The following CLEC11A variants were observed in gnomAD, a reference collection of about 807,000 sequenced individuals.
CLEC11A encodes the protein C-type lectin domain containing 11A, also known as C-type lectin domain family 11 member A.
In CLEC11A, 35 loss-of-function variants were observed where a neutral mutation model predicts 33.9. The observed-to-expected ratio is 1.03, with a 90% CI of 0.79 to 1.37. The LOEUF is 1.37. CLEC11A is among the 40% of genes most tolerant of loss of function. The probability of loss-of-function intolerance (pLI) is 0.00; values close to 1 mark genes in which losing one functional copy is unlikely to be tolerated. For synonymous variants in CLEC11A, 220 were observed against 202.2 expected (o/e 1.09, Z -0.75); for missense variants, 519 against 455.5 (o/e 1.14, Z -1.27).
chr19:50,725,688 A>G lies in CLEC11A; in HGVS notation c.*221A>G, dbSNP rs2089182187. ...GGGCACCAGGCTAGGTCCGGTGCCAATAAATCCTTGTGGAATCTGACTTGA... is the reference window on the plus strand; with the variant it reads ...GGGCACCAGGCTAGGTCCGGTGCCAGTAAATCCTTGTGGAATCTGACTTGA... On this transcript the variant is annotated 3_prime_UTR_variant, in exon 4 of 4. Coordinates refer to ENST00000250340, the MANE Select transcript of CLEC11A (RefSeq NM_002975.3). The G allele has an allele frequency of 5.0e-6, 4 of 792,520 alleles. No individual in the cohort carries two copies. Among genetic ancestry groups the G allele is most frequent in the Non-Finnish European group, 7.6e-6 (4 of 523,556 alleles). The allele number at this position is 792,520 out of a possible 1,614,324, so 49.1% of individuals were successfully genotyped here.
At position 50,725,114 on chromosome 19, in the gene CLEC11A, C is replaced by A. The variant is rs1212977751; in HGVS notation, c.619C>A (p.Arg207=). ...QAAAQARCTA[R]GGSLAQPADR... ...GGCGGCGCAGGCGCGGTGCACGGCGCGGGGCGGGAGCCTGGCGCAGCCGGC... is the reference window on the plus strand; with the variant it reads ...GGCGGCGCAGGCGCGGTGCACGGCGAGGGGCGGGAGCCTGGCGCAGCCGGC... Residue 207 remains arginine, a synonymous_variant, in exon 4 of 4, where the codon CGG becomes AGG. Coordinates refer to ENST00000250340, the MANE Select transcript of CLEC11A (RefSeq NM_002975.3). 1 of 1,538,176 alleles carries A rather than the reference C, an allele frequency of 6.5e-7. No homozygotes were observed. Among genetic ancestry groups the A allele is most frequent in the Non-Finnish European group, 8.7e-7 (1 of 1,143,268 alleles).
rs1201577877 is a variant in CLEC11A at position 50,725,629 on chromosome 19, ACTC to A, written c.*168_*170del. The A allele has an allele frequency of 1.2e-5, 15 of 1,275,628 alleles. No individual in the cohort carries two copies. The highest frequency in any genetic ancestry group is 1.6e-5 in the Non-Finnish European group (15 of 952,080). The allele number at this position is 1,275,628 out of a possible 1,614,324, so 79.0% of individuals were successfully genotyped here. On this transcript the variant is annotated 3_prime_UTR_variant, in exon 4 of 4. Coordinates refer to ENST00000250340, the MANE Select transcript of CLEC11A (RefSeq NM_002975.3). ...CTGGGAGGGCTCTTGCGGTGCCGGC[ACTC>A]CTCCTTGTTAGTGTCTTTCCTTGAA...
In CLEC11A at chr19:50,725,412, G is replaced by T. The variant is rs367711985; in HGVS notation, c.917G>T (p.Trp306Leu). 1 of 1,611,436 alleles carries T rather than the reference G, an allele frequency of 6.2e-7. No homozygotes were observed. The highest frequency in any genetic ancestry group is 1.1e-5 in the South Asian group (1 of 90,822). The change falls in exon 4 of 4, where the codon TGG becomes TTG. Residue 306 changes from tryptophan (W) to leucine (L), a missense_variant. Transcript: ENST00000250340. ...GCGCAGGCCTCTGACGACGGCTCCT[G>T]GTGGGACCACGACTGCCAGCGGCGT... Reference protein sequence around the residue: ...CVAQASDDGSWWDHDCQRRLY... With the variant: ...CVAQASDDGSLWDHDCQRRLY...
In CLEC11A at chr19:50,723,406, G is replaced by C. The variant is rs565917787; in HGVS notation, c.-120G>C. 5.1e-6 allele frequency: 5 copies of C among 985,048 alleles called. No individual in the cohort carries two copies. In the South Asian group the frequency reaches 7.3e-5, roughly 14 times the overall value. The allele number at this position is 985,048 out of a possible 1,614,324, so 61.0% of individuals were successfully genotyped here. A position where few individuals can be genotyped will look rare whatever the true frequency, so the allele number is the denominator to read the frequency against. ...CAGGAAGAGAGAAGCTGGGAGAATCGGGAACCTGGGGGCTAGTGACCTGCA... is the reference window on the plus strand; with the variant it reads ...CAGGAAGAGAGAAGCTGGGAGAATCCGGAACCTGGGGGCTAGTGACCTGCA... On this transcript the variant is annotated 5_prime_UTR_variant, in exon 1 of 4. Transcript: ENST00000250340. The surrounding 1 kb of genome is among the most constrained non-coding windows in gnomAD (Gnocchi z 4.1).
chr19:50,724,737 G>T lies in CLEC11A; in HGVS notation c.526+136G>T, dbSNP rs536734273. The T allele has an allele frequency of 1.7e-6, 2 of 1,198,314 alleles. No homozygotes were observed. Among genetic ancestry groups the T allele is most frequent in the African/African-American group, 3.2e-5 (2 of 61,638 alleles). 74.2% of individuals were successfully genotyped at this position (1,198,314 alleles called of 1,614,324 possible). On this transcript the variant is annotated intron_variant, in intron 3 of 3. Coordinates refer to ENST00000250340, the MANE Select transcript of CLEC11A (RefSeq NM_002975.3). This position sits in a 1 kb window ranked among gnomAD's most constrained non-coding sequence, Gnocchi z 4.1. Reference sequence around the variant, plus strand: ...CTGTGTGCTAGCGGACGGGGTTAGAGAGCTGGGAGGCTGAATGCAGGGAGC... The same window carrying T: ...CTGTGTGCTAGCGGACGGGGTTAGATAGCTGGGAGGCTGAATGCAGGGAGC...
chr19:50,724,696 G>A lies in CLEC11A; in HGVS notation c.526+95G>A, dbSNP rs1206614629. 5.5e-6 allele frequency: 7 copies of A among 1,263,890 alleles called. No individual in the cohort carries two copies. Among genetic ancestry groups the A allele is most frequent in the Non-Finnish European group, 7.2e-6 (7 of 968,464 alleles). 78.3% of individuals were successfully genotyped at this position (1,263,890 alleles called of 1,614,324 possible). A position where few individuals can be genotyped will look rare whatever the true frequency, so the allele number is the denominator to read the frequency against. On this transcript the variant is annotated intron_variant, in intron 3 of 3. Coordinates refer to ENST00000250340, the MANE Select transcript of CLEC11A (RefSeq NM_002975.3). The surrounding 1 kb of genome is among the most constrained non-coding windows in gnomAD (Gnocchi z 4.1). ...GTGACCCTAGGTGTCCGGGGCGGGA[G>A]AGTTCGGGAGAGCTGCTGTGTGCTA... is the stretch of plus-strand genomic sequence containing the variant.
Position 50,724,311 on chromosome 19 carries a change from C to A in CLEC11A, c.335-99C>A. On this transcript the variant is annotated intron_variant, in intron 2 of 3. Coordinates refer to ENST00000250340, the MANE Select transcript of CLEC11A (RefSeq NM_002975.3). This position sits in a 1 kb window ranked among gnomAD's most constrained non-coding sequence, Gnocchi z 4.1. ...GTCCGGGGTGCCCCCCCCACCGCCA[C>A]CCCGCCCTCAGGAGCCCTAGATCCC... 2 of 1,126,208 alleles carry A rather than the reference C, an allele frequency of 1.8e-6. No homozygotes were observed. Among genetic ancestry groups the A allele is most frequent in the South Asian group, 1.7e-5 (1 of 60,456 alleles). The allele number at this position is 1,126,208 out of a possible 1,614,324, so 69.8% of individuals were successfully genotyped here. A position where few individuals can be genotyped will look rare whatever the true frequency, so the allele number is the denominator to read the frequency against.
Position 50,724,434 on chromosome 19 carries a change from C to A in CLEC11A, c.359C>A (p.Ala120Glu). Reference protein sequence around the residue: ...YILGRLAGLDAGLHQLHVRLH... With the variant: ...YILGRLAGLDEGLHQLHVRLH... ...GTGGGCCGCCTGGCCGGCCTGGACG[C>A]AGGCCTGCACCAGCTGCACGTCCGT... The change falls in exon 3 of 4, where the codon GCA (alanine) becomes GAA (glutamate). Residue 120 changes from alanine to glutamate, a missense_variant. Ala to Glu is a moderately radical substitution (Grantham distance 107, BLOSUM62 -1). Coordinates refer to ENST00000250340, the MANE Select transcript of CLEC11A (RefSeq NM_002975.3). This position sits in a 1 kb window ranked among gnomAD's most constrained non-coding sequence, Gnocchi z 4.1. The A allele has an allele frequency of 6.5e-7, 1 of 1,532,444 alleles. No individual in the cohort carries two copies. The allele number at this position is 1,532,444 out of a possible 1,614,324, so 94.9% of individuals were successfully genotyped here.
Position 50,724,968 on chromosome 19 carries a change from TC to T in CLEC11A, c.527-52del. On this transcript the variant is annotated intron_variant, in intron 3 of 3. Coordinates refer to ENST00000250340, the MANE Select transcript of CLEC11A (RefSeq NM_002975.3). This position sits in a 1 kb window ranked among gnomAD's most constrained non-coding sequence, Gnocchi z 4.1. ...CCCGGATGTTTTGTCCTCGCCCCCTTCCAGACTCTGAATGCATGACCCCGCC... is the reference window on the plus strand; with the variant it reads ...CCCGGATGTTTTGTCCTCGCCCCCTTCAGACTCTGAATGCATGACCCCGCC... 1 of 1,425,404 alleles carries T rather than the reference TC, an allele frequency of 7.0e-7. No individual in the cohort carries two copies. The highest frequency in any genetic ancestry group is 1.5e-5 in the South Asian group (1 of 65,270). 88.3% of individuals were successfully genotyped at this position (1,425,404 alleles called of 1,614,324 possible).
In CLEC11A at chr19:50,725,672, G is replaced by T; in HGVS notation, c.*205G>T. 2.2e-6 allele frequency: 2 copies of T among 919,646 alleles called. No homozygotes were observed. The highest frequency in any genetic ancestry group is 3.2e-6 in the Non-Finnish European group (2 of 633,532). 57.0% of individuals were successfully genotyped at this position (919,646 alleles called of 1,614,324 possible). A position where few individuals can be genotyped will look rare whatever the true frequency, so the allele number is the denominator to read the frequency against. ...CTTTCCTTGAAGGGGCGGGCACCAG[G>T]CTAGGTCCGGTGCCAATAAATCCTT... is the stretch of plus-strand genomic sequence containing the variant. On this transcript the variant is annotated 3_prime_UTR_variant, in exon 4 of 4. Coordinates refer to ENST00000250340, the MANE Select transcript of CLEC11A (RefSeq NM_002975.3).
Position 50,724,286 on chromosome 19 carries a change from G to A in CLEC11A, c.335-124G>A. ...GGCCACTCGACCCTACCTTCCAGGAGTCCGGGGTGCCCCCCCCACCGCCAC... is the reference window on the plus strand; with the variant it reads ...GGCCACTCGACCCTACCTTCCAGGAATCCGGGGTGCCCCCCCCACCGCCAC... On this transcript the variant is annotated intron_variant, in intron 2 of 3. Transcript: ENST00000250340. This position sits in a 1 kb window ranked among gnomAD's most constrained non-coding sequence, Gnocchi z 4.1. 8.1e-7 allele frequency: 1 copy of A among 1,228,922 alleles called. No individual in the cohort carries two copies. 76.1% of individuals were successfully genotyped at this position (1,228,922 alleles called of 1,614,324 possible).
rs1455030916 is a variant in CLEC11A, at chr19:50,724,019, G to A, written c.262G>A (p.Glu88Lys). 1 of 1,612,780 alleles carries A rather than the reference G, an allele frequency of 6.2e-7. No individual in the cohort carries two copies. Among genetic ancestry groups the A allele is most frequent in the Non-Finnish European group, 8.5e-7 (1 of 1,179,104 alleles). The part of the protein sequence containing the change: ...MEEDQGEEEE[E>K]EATPTPSSGP... The stretch of plus-strand genomic sequence containing the variant: ...GGAGGACCAGGGGGAGGAAGAGGAG[G>A]AGGAAGCAACGCCAACCCCATCCTC... Residue 88 changes from glutamate (E) to lysine (K), a missense_variant, in exon 2 of 4, where the codon GAG becomes AAG. Glu to Lys is a moderately conservative substitution (Grantham distance 56). Coordinates refer to ENST00000250340, the MANE Select transcript of CLEC11A (RefSeq NM_002975.3). The surrounding 1 kb of genome is among the most constrained non-coding windows in gnomAD (Gnocchi z 4.1).
Position 50,724,202 on chromosome 19 carries a change from C to T in CLEC11A, c.334+111C>T. 1.3e-6 allele frequency: 2 copies of T among 1,530,992 alleles called. No individual in the cohort carries two copies. The highest frequency in any genetic ancestry group is 1.8e-6 in the Non-Finnish European group (2 of 1,128,420). The allele number at this position is 1,530,992 out of a possible 1,614,324, so 94.8% of individuals were successfully genotyped here. A position where few individuals can be genotyped will look rare whatever the true frequency, so the allele number is the denominator to read the frequency against. On this transcript the variant is annotated intron_variant, in intron 2 of 3. Coordinates refer to ENST00000250340, the MANE Select transcript of CLEC11A (RefSeq NM_002975.3). The surrounding 1 kb of genome is among the most constrained non-coding windows in gnomAD (Gnocchi z 4.1). Reference sequence around the variant, plus strand: ...GGCCTTTCAGTTGTCCATTGCCCAGCCCAGAGCCCCCACACCCCTAGGAGC... The same window carrying T: ...GGCCTTTCAGTTGTCCATTGCCCAGTCCAGAGCCCCCACACCCCTAGGAGC...
chr19:50,724,191 C>T lies in CLEC11A; in HGVS notation c.334+100C>T, dbSNP rs1395840132. 1.9e-5 allele frequency: 30 copies of T among 1,572,926 alleles called. No individual in the cohort carries two copies. Among genetic ancestry groups the T allele is most frequent in the Middle Eastern group, 1.8e-4 (1 of 5,692 alleles). On this transcript the variant is annotated intron_variant, in intron 2 of 3. Coordinates refer to ENST00000250340, the MANE Select transcript of CLEC11A (RefSeq NM_002975.3). The surrounding 1 kb of genome is among the most constrained non-coding windows in gnomAD (Gnocchi z 4.1). ...CACTGCCAAGTGGCCTTTCAGTTGT[C>T]CATTGCCCAGCCCAGAGCCCCCACA...
At position 50,723,567 on chromosome 19, in the gene CLEC11A, G is replaced by C; in HGVS notation, c.42G>C (p.Gln14His). The change falls in exon 1 of 4, where the codon CAG becomes CAC. Residue 14 changes from glutamine to histidine, a missense_variant. Transcript: ENST00000250340. This position sits in a 1 kb window ranked among gnomAD's most constrained non-coding sequence, Gnocchi z 4.1. ...TTTTGGGGGCTTTGGTGGTCCCCCA[G>C]CTCTTGGGCTTTGGCCATGGGGCTC... ...AWLLGALVVP[Q>H]LLGFGHGARG... 1 of 1,612,512 alleles carries C rather than the reference G, an allele frequency of 6.2e-7. No individual in the cohort carries two copies. The highest frequency in any genetic ancestry group is 8.5e-7 in the Non-Finnish European group (1 of 1,180,006).
chr19:50,724,552 C>T lies in CLEC11A; in HGVS notation c.477C>T (p.Ala159=), dbSNP rs1180701646. The change falls in exon 3 of 4, where the codon GCC becomes GCT. Residue 159 remains alanine, a synonymous_variant. Coordinates refer to ENST00000250340, the MANE Select transcript of CLEC11A (RefSeq NM_002975.3). The surrounding 1 kb of genome is among the most constrained non-coding windows in gnomAD (Gnocchi z 4.1). The part of the protein sequence containing the change: ...AAGDTRDAVQ[A]LQEAQGRAER... ...GCGACACCCGCGATGCCGTGCAAGCCCTGCAGGAGGCGCAGGGTCGCGCCG... is the reference window on the plus strand; with the variant it reads ...GCGACACCCGCGATGCCGTGCAAGCTCTGCAGGAGGCGCAGGGTCGCGCCG... The T allele has an allele frequency of 1.3e-6, 2 of 1,511,082 alleles. No individual in the cohort carries two copies. The highest frequency in any genetic ancestry group is 2.5e-5 in the South Asian group (2 of 81,582). 93.6% of individuals were successfully genotyped at this position (1,511,082 alleles called of 1,614,324 possible).
At position 50,723,962 on chromosome 19, in the gene CLEC11A, A is replaced by G; in HGVS notation, c.205A>G (p.Thr69Ala). 6.2e-7 allele frequency: 1 copy of G among 1,613,730 alleles called. No homozygotes were observed. Among genetic ancestry groups the G allele is most frequent in the Non-Finnish European group, 8.5e-7 (1 of 1,179,888 alleles). Residue 69 changes from threonine to alanine, a missense_variant, in exon 2 of 4, where the codon ACT (threonine) becomes GCT (alanine). By Grantham distance (58) the Thr-to-Ala change is moderately conservative. Transcript: ENST00000250340. This position sits in a 1 kb window ranked among gnomAD's most constrained non-coding sequence, Gnocchi z 4.1. ...GAGGGGGGATGAGAATCCTGCCGGA[A>G]CTGTTGAGGGAAAAGAGGACTGGGA... ...AGRGDENPAG[T>A]VEGKEDWEME...
chr19:50,724,961 G>A lies in CLEC11A; in HGVS notation c.527-61G>A, dbSNP rs1168915705. 3.1e-6 allele frequency: 4 copies of A among 1,308,240 alleles called. No individual in the cohort carries two copies. In the African/African-American group the frequency reaches 4.9e-5, roughly 16 times the overall value. 81.0% of individuals were successfully genotyped at this position (1,308,240 alleles called of 1,614,324 possible). A position where few individuals can be genotyped will look rare whatever the true frequency, so the allele number is the denominator to read the frequency against. The stretch of plus-strand genomic sequence containing the variant: ...CTCCACCCCCGGATGTTTTGTCCTC[G>A]CCCCCTTCCAGACTCTGAATGCATG... On this transcript the variant is annotated intron_variant, in intron 3 of 3. Transcript: ENST00000250340. The surrounding 1 kb of genome is among the most constrained non-coding windows in gnomAD (Gnocchi z 4.1).
chr19:50,724,007 G>A lies in CLEC11A; in HGVS notation c.250G>A (p.Glu84Lys), dbSNP rs1224371512. ...CTGGGAGATGGAGGAGGACCAGGGG[G>A]AGGAAGAGGAGGAGGAAGCAACGCC... is the stretch of plus-strand genomic sequence containing the variant. Reference protein sequence around the residue: ...EDWEMEEDQGEEEEEEATPTP... With the variant: ...EDWEMEEDQGKEEEEEATPTP... The change falls in exon 2 of 4, where the codon GAG becomes AAG. Residue 84 changes from glutamate to lysine, a missense_variant. Physicochemically the swap from Glu to Lys is moderately conservative, Grantham distance 56 (BLOSUM62 1). Transcript: ENST00000250340. The surrounding 1 kb of genome is among the most constrained non-coding windows in gnomAD (Gnocchi z 4.1). The A allele has an allele frequency of 6.2e-7, 1 of 1,612,532 alleles. No homozygotes were observed. The highest frequency in any genetic ancestry group is 8.5e-7 in the Non-Finnish European group (1 of 1,178,888).
Sources: gnomAD v4.1 joint callset for allele counts on GRCh38, gnomAD v4.1.1 for gene constraint, Gnocchi (gnomAD v3.1) non-coding constraint, MANE v1.5 for transcripts, NCBI Gene and HGNC (gene_info 2026-07-23, HGNC 2026-07-21) for gene names.